The following HTT variants were observed in gnomAD, a reference collection of about 807,000 sequenced individuals.
HTT encodes the protein huntington disease protein.
A neutral mutation model predicts 362.3 loss-of-function variants in HTT; 104 were observed. The ratio of observed to expected loss-of-function variants is 0.29; its 90% CI spans 0.24 to 0.34. HTT has a LOEUF of 0.34. Ranked by LOEUF, HTT falls within the 10% of genes least tolerant of loss-of-function variation. HTT has a pLI of 1.00. For missense variants in HTT, 3,301 were observed against 3,928.6 expected (o/e 0.84, Z 4.27); for synonymous variants, 1,577 against 1,548.7 (o/e 1.02, Z -0.43).
At position 3,131,676 on chromosome 4, in the gene HTT, G is replaced by A. The variant is rs1224055035; in HGVS notation, c.2137G>A (p.Ala713Thr). ...PDRDVRVSVK[A>T]LALSCVGAAV... ...CAGGGATGTGAGGGTCAGCGTGAAG[G>A]CCCTGGCCCTCAGCTGTGTGGGAGC... Residue 713 changes from alanine (A) to threonine (T), a missense_variant, in exon 16 of 67, where the codon GCC (alanine) becomes ACC (threonine). Ala to Thr is a moderately conservative substitution (Grantham distance 58). This residue lies in a region of HTT where 2,316 missense variants were observed against 2,658.5 expected (regional missense o/e 0.87). Coordinates refer to ENST00000355072, the MANE Select transcript of HTT (RefSeq NM_001388492.1). The A allele has an allele frequency of 4.3e-6, 7 of 1,613,850 alleles. No homozygotes were observed. Among genetic ancestry groups the A allele is most frequent in the Non-Finnish European group, 5.9e-6 (7 of 1,179,938 alleles).
chr4:3,134,508 G>A lies in HTT; in HGVS notation c.2601G>A (p.Glu867=). Residue 867 remains glutamate (E), a synonymous_variant, in exon 19 of 67, where the codon GAG becomes GAA. Coordinates refer to ENST00000355072, the MANE Select transcript of HTT (RefSeq NM_001388492.1). ...GTTCCTATTGGCTGGTGAGGACAGAGCTTCTGGAAACCCTTGCAGAGATTG... is the reference window on the plus strand; with the variant it reads ...GTTCCTATTGGCTGGTGAGGACAGAACTTCTGGAAACCCTTGCAGAGATTG... ...RNSSYWLVRT[E]LLETLAEIDF... is the part of the protein sequence containing the mutation. 1.2e-6 allele frequency: 2 copies of A among 1,614,098 alleles called. No individual in the cohort carries two copies. The highest frequency in any genetic ancestry group is 2.2e-5 in the East Asian group (1 of 44,870).
chr4:3,104,842 T>G (rs1316706859), intron 4 of HTT, among the ~76,000 whole-genome samples: 2 of 152,146 alleles, frequency 1.3e-5, no homozygotes, highest in Non-Finnish European at 2.9e-5. Flanking sequence ...AGGTTGAATC[T>G]ATAGGTAGCT....
chr4:3,098,760 A>G (rs2110154791), intron 2 of HTT, among the ~76,000 whole-genome samples: 1 of 152,354 alleles, frequency 6.6e-6, no homozygotes, highest in Non-Finnish European at 1.5e-5. Context: ...GCCCATACCG[A>G]AAGCAAGATT....
At chr4:3,219,949 A>G (rs1720599306) in intron 52 of HTT, among the ~76,000 whole-genome samples, 1 of 152,164 alleles carries the variant, frequency 6.6e-6, no homozygotes, top group Admixed American at 6.5e-5. Context: ...CAGCAGCCTC[A>G]GGATGAGGAC....
chr4:3,189,063 C>G lies in HTT; in HGVS notation c.5338C>G (p.Leu1780Val). 2 of 1,614,058 alleles carry G rather than the reference C, an allele frequency of 1.2e-6. No homozygotes were observed. The highest frequency in any genetic ancestry group is 1.7e-6 in the Non-Finnish European group (2 of 1,179,894). ...TFYCQELGTL[L>V]MCLIHIFKSG... ...CTATTGCCAGGAACTAGGCACACTG[C>G]TAATGTGTCTGATCCACATCTTCAA... Residue 1780 changes from leucine to valine, a missense_variant, in exon 40 of 67, where the codon CTA (leucine) becomes GTA (valine). Physicochemically the swap from Leu to Val is conservative, Grantham distance 32. Transcript: ENST00000355072.
At chr4:3,162,423 T>C (rs1372765579) in intron 29 of HTT, among the ~76,000 whole-genome samples, 1 of 152,218 alleles carries the variant, frequency 6.6e-6, no homozygotes, top group East Asian at 1.9e-4. Flanking sequence ...TTTGGTTCCA[T>C]ATGAAGTTTA....
chr4:3,239,811 C>T (rs2110308704), intron 66 of HTT, 35 bp from the exon 67 acceptor site: 3 of 1,493,614 alleles, frequency 2.0e-6, no homozygotes, highest in Middle Eastern at 3.8e-4. Context: ...GCATTCCCCT[C>T]ATTTGCCGGC....
chr4:3,146,807 C>A lies in HTT; in HGVS notation c.3154C>A (p.Leu1052Met). 1 of 1,613,994 alleles carries A rather than the reference C, an allele frequency of 6.2e-7. No individual in the cohort carries two copies. Among genetic ancestry groups the A allele is most frequent in the Non-Finnish European group, 8.5e-7 (1 of 1,179,862 alleles). The change falls in exon 25 of 67, where the codon CTG becomes ATG. Residue 1052 changes from leucine to methionine, a missense_variant. By Grantham distance (15) the Leu-to-Met change is conservative. Transcript: ENST00000355072. Reference sequence around the variant, plus strand: ...AATGTCTGCTTCCAGAGTGCCTCCACTGAGTGCCTCAGATGAGTCTAGGAA... The same window carrying A: ...AATGTCTGCTTCCAGAGTGCCTCCAATGAGTGCCTCAGATGAGTCTAGGAA... ...SLGWHCGVPP[L>M]SASDESRKSC... is the part of the protein sequence containing the mutation.
chr4:3,118,718 G>A (rs1393097339), intron 8 of HTT, among the ~76,000 whole-genome samples: 14 of 152,064 alleles, frequency 9.2e-5, no homozygotes. Flanking sequence ...AGGGATAGAG[G>A]GTGAAGGGGA....
At chr4:3,161,121 C>A (rs1717419377) in intron 29 of HTT, among the ~76,000 whole-genome samples, 4 of 152,084 alleles carry the variant, frequency 2.6e-5, no homozygotes, top group Non-Finnish European at 5.9e-5. Flanking sequence ...CCTCCCTGTG[C>A]CCATGTGTTC....
chr4:3,225,337 C>T (rs958958433), intron 56 of HTT, among the ~76,000 whole-genome samples: 5 of 152,232 alleles, frequency 3.3e-5, no homozygotes, highest in Non-Finnish European at 7.3e-5. Flanking sequence ...GACTCCTAAG[C>T]TTTTGCAGCT....
chr4:3,215,675 T>G, intron 51 of HTT, among the ~76,000 whole-genome samples: 1 of 152,182 alleles, frequency 6.6e-6, no homozygotes, highest in East Asian at 1.9e-4. Context: ...GCCATCTGTT[T>G]TGGTGGATAT....
intron 7 of HTT, 104 bp from the exon 8 acceptor site, chr4:3,115,981 T>C: frequency 1.9e-6 from 2 of 1,030,064 alleles, no homozygotes; most frequent in Non-Finnish European, 3.0e-6. Context: ...TGATCATGTT[T>C]GTGCCATCTT....
At position 3,145,184 on chromosome 4, in the gene HTT, C is replaced by A. The variant is rs758410717; in HGVS notation, c.3099C>A (p.Ser1033=). The A allele has an allele frequency of 4.3e-6, 7 of 1,613,778 alleles. No individual in the cohort carries two copies. The Middle Eastern group carries it at 6.6e-4, about 152-fold the overall frequency. The change falls in exon 24 of 67, where the codon TCC becomes TCA. Residue 1033 remains serine, a synonymous_variant. Transcript: ENST00000355072. ...FGCCEALCLL[S]TAFPVCIWSL... ...GCTGTGAAGCTTTGTGTCTTCTTTC[C>A]ACTGCCTTCCCAGTTTGCATTTGGA...
chr4:3,104,322 A>G (rs1714316075), intron 4 of HTT, among the ~76,000 whole-genome samples: 1 of 151,934 alleles, frequency 6.6e-6, no homozygotes, highest in Non-Finnish European at 1.5e-5. Flanking sequence ...TAAAATAACT[A>G]AAACAGTCAG....
At position 3,107,211 on chromosome 4, in the gene HTT, A is replaced by G. The variant is rs1714476260; in HGVS notation, c.609-74A>G. 6 of 1,517,332 alleles carry G rather than the reference A, an allele frequency of 4.0e-6. No individual in the cohort carries two copies. In the African/African-American group the frequency reaches 5.5e-5, roughly 14 times the overall value. 94.0% of individuals were successfully genotyped at this position (1,517,332 alleles called of 1,614,324 possible). A position where few individuals can be genotyped will look rare whatever the true frequency, so the allele number is the denominator to read the frequency against. The stretch of plus-strand genomic sequence containing the variant: ...TGGAATATAAAACTGGCTTTTCCCT[A>G]ACAGGGAATGAATTGCTTCTGTTTC... On this transcript the variant is annotated intron_variant, in intron 5 of 66. Transcript: ENST00000355072.
chr4:3,154,265 G>GT, intron 26 of HTT, 28 bp from the exon 27 acceptor site: 3 of 1,514,328 alleles, frequency 2.0e-6, no homozygotes, highest in Non-Finnish European at 2.7e-6. Flanking sequence ...TTGTTTTTTT[G>GT]TTTTTTGTTT....
Position 3,180,602 on chromosome 4 carries a change from A to C in HTT, c.4700A>C (p.Gln1567Pro). The change falls in exon 36 of 67, where the codon CAA becomes CCA. Residue 1567 changes from glutamine (Q) to proline (P), a missense_variant. Coordinates refer to ENST00000355072, the MANE Select transcript of HTT (RefSeq NM_001388492.1). Reference sequence around the variant, plus strand: ...GATGCAGGAAAAGAGCTTGAAACCCAAAAAGAGGTGGTGGTGTCAATGTTA... The same window carrying C: ...GATGCAGGAAAAGAGCTTGAAACCCCAAAAGAGGTGGTGGTGTCAATGTTA... ...KADAGKELETQKEVVVSMLLR... is the reference protein window; with the variant it reads ...KADAGKELETPKEVVVSMLLR... 1 of 1,613,262 alleles carries C rather than the reference A, an allele frequency of 6.2e-7. No individual in the cohort carries two copies. Among genetic ancestry groups the C allele is most frequent in the South Asian group, 1.1e-5 (1 of 90,986 alleles).
At chr4:3,121,060 A>T (rs747568349) in intron 8 of HTT, among the ~76,000 whole-genome samples, 168 bp from the exon 9 acceptor site, 3 of 152,234 alleles carry the variant, frequency 2.0e-5, no homozygotes, top group Non-Finnish European at 4.4e-5. Flanking sequence ...TTTAGAAAAC[A>T]ACATGGAAGC....
Sources: allele counts gnomAD v4.1 joint callset (sites outside exome capture counted in the v4.1 genomes callset), GRCh38; gene constraint gnomAD v4.1.1; regional missense constraint gnomAD v4.1.1; transcripts MANE v1.5; gene names NCBI Gene and HGNC (gene_info 2026-07-23, HGNC 2026-07-21).